The following CADPS2 variants were observed in gnomAD, a reference collection of about 807,000 sequenced individuals.
The protein encoded by CADPS2 is calcium-dependent secretion activator 2.
A neutral mutation model predicts 172.5 loss-of-function variants in CADPS2; 93 were observed. The ratio of observed to expected loss-of-function variants is 0.54; its 90% CI spans 0.46 to 0.64. The LOEUF is 0.64. CADPS2 is among the 30% of genes least tolerant of loss of function. The pLI, the probability that CADPS2 is intolerant of heterozygous loss-of-function variation, is 0.00. For synonymous variants in CADPS2, 546 were observed against 555.2 expected, an observed-to-expected ratio of 0.98 and a Z score of 0.23; for missense variants, 1,420 against 1,565.9, an observed-to-expected ratio of 0.91 and a Z score of 1.57.
intron 8 of CADPS2, among the ~76,000 whole-genome samples, chr7:122,527,487 A>G (rs2061334534): frequency 6.6e-6 from 1 of 151,808 alleles, no homozygotes; most frequent in African/African-American, 2.4e-5. Flanking sequence ...GTAATTCAGT[A>G]TCTCTTTTCT....
At position 122,467,353 on chromosome 7, in the gene CADPS2, A is replaced by G. The variant is rs2055286873; in HGVS notation, c.2186+4022T>C. The stretch of plus-strand genomic sequence containing the variant: ...ATGCAATTATCTACGTTGTTTCTCA[A>G]AAAATGCACACTGTCTCTAAAATTA... On this transcript the variant is annotated intron_variant, in intron 14 of 29. Coordinates refer to ENST00000449022, the MANE Select transcript of CADPS2 (RefSeq NM_017954.11). 4.6e-5 allele frequency among the ~76,000 whole-genome samples: 7 copies of G among 152,188 alleles called. No homozygotes were observed. The South Asian group carries it at 1.4e-3, about 32-fold the overall frequency.
intron 6 of CADPS2, among the ~76,000 whole-genome samples, chr7:122,593,238 C>T (rs1481009109): frequency 6.6e-6 from 1 of 151,810 alleles, no homozygotes; most frequent in African/African-American, 2.4e-5. Flanking sequence ...TAAAAGATAA[C>T]AATCTAAGTG....
intron 8 of CADPS2, among the ~76,000 whole-genome samples, chr7:122,535,959 T>C (rs569724255): frequency 1.5e-3 from 221 of 152,234 alleles, no homozygotes; most frequent in Middle Eastern, 3.4e-3. Flanking sequence ...TCTACCCAAC[T>C]GAACTAAGTG....
chr7:122,750,519 A>T (rs1588972582), intron 1 of CADPS2, among the ~76,000 whole-genome samples: 1 of 151,908 alleles, frequency 6.6e-6, no homozygotes, highest in East Asian at 1.9e-4. Context: ...GTCTCTTAGG[A>T]CTTAATAATG....
intron 1 of CADPS2, among the ~76,000 whole-genome samples, chr7:122,775,023 T>TG (rs1485005111): frequency 3.7e-4 from 56 of 151,898 alleles, no homozygotes; most frequent in African/African-American, 9.7e-5. Flanking sequence ...ACTATGTGTG[T>TG]TTTTTTTAAA....
chr7:122,550,142 C>T (rs1168443389), intron 8 of CADPS2, among the ~76,000 whole-genome samples: 1 of 152,140 alleles, frequency 6.6e-6, no homozygotes, highest in African/African-American at 2.4e-5. Flanking sequence ...GGTGGGGCCA[C>T]AAAGCAGCCG....
chr7:122,318,651 AGAGT>A lies in CADPS2; in HGVS notation c.*1510_*1513del, dbSNP rs938186228. 8.5e-5 allele frequency: 13 copies of A among 152,202 alleles called. No individual in the cohort carries two copies. The highest frequency in any genetic ancestry group is 2.4e-4 in the African/African-American group (10 of 41,440). The allele number at this position is 152,202 out of a possible 1,614,324, so 9.4% of individuals were successfully genotyped here. A position where few individuals can be genotyped will look rare whatever the true frequency, so the allele number is the denominator to read the frequency against. On this transcript the variant is annotated 3_prime_UTR_variant, in exon 30 of 30. Transcript: ENST00000449022. ...TGCCTTTCAAAGATAGTGAGTTGGT[AGAGT>A]TAGTCTTTAATCCCGGAAGAAGGAA...
At chr7:122,736,923 G>A (rs766262727) in intron 2 of CADPS2, 32 bp downstream of exon 2, 37 of 1,136,710 alleles carry the variant, frequency 3.3e-5, no homozygotes, top group African/African-American at 6.2e-5. Context: ...AAAATGCATC[G>A]GAAAGCCAAA....
chr7:122,742,519 A>G (rs552819889), intron 1 of CADPS2, among the ~76,000 whole-genome samples: 3 of 152,218 alleles, frequency 2.0e-5, no homozygotes, highest in African/African-American at 7.2e-5. Flanking sequence ...AAAATGTACT[A>G]GATAGACTGA....
chr7:122,351,591 T>C (rs1470616068), intron 27 of CADPS2, among the ~76,000 whole-genome samples: 1 of 151,968 alleles, frequency 6.6e-6, no homozygotes, highest in Admixed American at 6.6e-5. Flanking sequence ...ATTTAGAGCA[T>C]GTAACATGTG....
At chr7:122,338,942 T>G (rs1210070279) in intron 28 of CADPS2, 1 of 152,048 alleles carries the variant, frequency 6.6e-6, no homozygotes, top group African/African-American at 2.4e-5. Flanking sequence ...TTTTTTTTTT[T>G]TTTGTAGAGA....
chr7:122,364,004 G>A (rs1256159533), intron 25 of CADPS2, among the ~76,000 whole-genome samples: 1 of 152,160 alleles, frequency 6.6e-6, no homozygotes, highest in Non-Finnish European at 1.5e-5. Flanking sequence ...GACGGCAGAA[G>A]GAGGAAGGCT....
At chr7:122,516,041 G>A (rs966194369) in intron 8 of CADPS2, among the ~76,000 whole-genome samples, 1 of 152,060 alleles carries the variant, frequency 6.6e-6, no homozygotes, top group Non-Finnish European at 1.5e-5. Flanking sequence ...AAGACAGAAA[G>A]CAGGGGGACA....
intron 1 of CADPS2, among the ~76,000 whole-genome samples, chr7:122,799,326 G>A (rs561805733): frequency 6.6e-5 from 10 of 152,296 alleles, no homozygotes; most frequent in South Asian, 2.1e-4. Context: ...AGGGCTGGGC[G>A]CGGTGGCTCA....
intron 20 of CADPS2, among the ~76,000 whole-genome samples, chr7:122,395,787 C>T (rs1184018091): frequency 6.6e-6 from 1 of 151,870 alleles, no homozygotes; most frequent in Admixed American, 6.6e-5. Flanking sequence ...ATCACAGAAA[C>T]TCTACGAGGG....
intron 5 of CADPS2, among the ~76,000 whole-genome samples, chr7:122,616,865 T>C (rs1164934752): frequency 1.3e-5 from 2 of 152,158 alleles, no homozygotes; most frequent in Admixed American, 6.6e-5. Flanking sequence ...GAAGCTGAGA[T>C]AAATCAAATA....
chr7:122,440,112 G>A (rs370806796), intron 16 of CADPS2: 6 of 152,244 alleles, frequency 3.9e-5, no homozygotes, highest in African/African-American at 1.4e-4. Context: ...TAAGTAAAGA[G>A]AAATAAAAAT....
chr7:122,832,857 A>C (rs1395442159), intron 1 of CADPS2, among the ~76,000 whole-genome samples: 1 of 152,216 alleles, frequency 6.6e-6, no homozygotes, highest in Non-Finnish European at 1.5e-5. Flanking sequence ...TTTTATACTG[A>C]GAATGAGAGA....
chr7:122,501,062 G>A (rs998998601), intron 9 of CADPS2, among the ~76,000 whole-genome samples: 4 of 151,970 alleles, frequency 2.6e-5, no homozygotes, highest in Admixed American at 2.6e-4. Context: ...CAAGACTAGC[G>A]TAGGCAACTA....
Sources: allele counts gnomAD v4.1 joint callset (sites outside exome capture counted in the v4.1 genomes callset), GRCh38; gene constraint gnomAD v4.1.1; transcripts MANE v1.5; gene names NCBI Gene and HGNC (gene_info 2026-07-23, HGNC 2026-07-21).